Variants in KPNA4 observed in about 807,000 individuals in gnomAD.
KPNA4 encodes the protein karyopherin subunit alpha 4.
Under a neutral mutation model 71.3 loss-of-function variants are expected in KPNA4, and 13 were observed. The ratio of observed to expected loss-of-function variants is 0.18; its 90% confidence interval spans 0.12 to 0.29. The LOEUF is 0.29. KPNA4 is among the 10% of genes least tolerant of loss of function. The probability of loss-of-function intolerance (pLI) is 1.00; values close to 1 mark genes in which losing one functional copy is unlikely to be tolerated. For synonymous variants in KPNA4, 189 were observed against 195.2 expected (o/e 0.97, Z 0.26); for missense variants, 334 against 603.2 (o/e 0.55, Z 4.67).
chr3:160,529,921 A>T (rs1427373636), intron 7 of KPNA4, among the ~76,000 whole-genome samples: 1 of 150,544 alleles, frequency 6.6e-6, no homozygotes, highest in East Asian at 2.0e-4. Context: ...TGAGGTCAGG[A>T]GATCGAGACC....
intron 11 of KPNA4, among the ~76,000 whole-genome samples, chr3:160,519,966 T>C (rs957918583): frequency 3.3e-5 from 5 of 152,174 alleles, no homozygotes; most frequent in African/African-American, 7.2e-5. Flanking sequence ...AATTATGGCA[T>C]GAAAGTTGAA....
intron 11 of KPNA4, among the ~76,000 whole-genome samples, chr3:160,521,436 C>A (rs1170413416): frequency 6.6e-6 from 1 of 151,928 alleles, no homozygotes; most frequent in Non-Finnish European, 1.5e-5. Flanking sequence ...CTGACTGTAT[C>A]AAAAATAGAA....
rs1720732904 is a variant in KPNA4 at position 160,495,284 on chromosome 3, A to G, written c.*6820T>C. The G allele has an allele frequency of 6.6e-6, 1 of 152,226 alleles. No homozygotes were observed. The highest frequency in any genetic ancestry group is 1.5e-5 in the Non-Finnish European group (1 of 68,038). 9.4% of individuals were successfully genotyped at this position (152,226 alleles called of 1,614,324 possible). A position where few individuals can be genotyped will look rare whatever the true frequency, so the allele number is the denominator to read the frequency against. ...TACTCCTGACTTCTTGAAGGAGTAA[A>G]TATCTAGAATATTCAAGGACGTAAA... On this transcript the variant is annotated 3_prime_UTR_variant, in exon 17 of 17. Transcript: ENST00000334256.
At chr3:160,563,694 T>C (rs938657116) in intron 1 of KPNA4, among the ~76,000 whole-genome samples, 1 of 152,202 alleles carries the variant, frequency 6.6e-6, no homozygotes, top group Non-Finnish European at 1.5e-5. Context: ...AGTATTCATA[T>C]TAGTAAAAAA....
chr3:160,531,354 C>T, intron 6 of KPNA4, 108 bp downstream of exon 6: 2 of 556,718 alleles, frequency 3.6e-6, no homozygotes, highest in Non-Finnish European at 5.9e-6. Context: ...CAACTCCATC[C>T]CATAGCCCTT....
intron 1 of KPNA4, among the ~76,000 whole-genome samples, chr3:160,560,697 T>C (rs1722226368): frequency 6.6e-6 from 1 of 151,948 alleles, no homozygotes; most frequent in Non-Finnish European, 1.5e-5. Context: ...CTACGAAAAA[T>C]AAGGGCATCT....
At chr3:160,561,842 C>T (rs1722251238) in intron 1 of KPNA4, among the ~76,000 whole-genome samples, 1 of 151,968 alleles carries the variant, frequency 6.6e-6, no homozygotes, top group Non-Finnish European at 1.5e-5. Context: ...TAAATCCCTT[C>T]CCTCCCCCAA....
intron 16 of KPNA4, among the ~76,000 whole-genome samples, chr3:160,504,362 T>C (rs546235892): frequency 1.1e-4 from 16 of 152,320 alleles, no homozygotes; most frequent in African/African-American, 3.8e-4. Flanking sequence ...TGAACCACTA[T>C]AAAATTTTCT....
intron 10 of KPNA4, among the ~76,000 whole-genome samples, chr3:160,524,060 G>C (rs1287658064): frequency 6.6e-6 from 1 of 152,106 alleles, no homozygotes; most frequent in African/African-American, 2.4e-5. Context: ...TCACTAATAT[G>C]CTCAGATCAA....
intron 1 of KPNA4, among the ~76,000 whole-genome samples, chr3:160,556,570 T>C (rs1048973742): frequency 6.6e-5 from 10 of 152,324 alleles, no homozygotes; most frequent in Middle Eastern, 3.4e-3. Context: ...TTTCAGATTT[T>C]GGATTTTTTT....
chr3:160,515,371 A>T (rs1042870817), intron 12 of KPNA4, 81 bp downstream of exon 12: 1 of 1,264,496 alleles, frequency 7.9e-7, no homozygotes, highest in Non-Finnish European at 1.1e-6. Flanking sequence ...TATTACAGAC[A>T]TTTCTAAGAC....
At position 160,565,307 on chromosome 3, in the gene KPNA4, C is replaced by T. The variant is rs1391289464; in HGVS notation, c.-25G>A. 1.9e-6 allele frequency: 3 copies of T among 1,567,372 alleles called. No individual in the cohort carries two copies. The highest frequency in any genetic ancestry group is 2.6e-6 in the Non-Finnish European group (3 of 1,153,462). On this transcript the variant is annotated 5_prime_UTR_variant, in exon 1 of 17. Transcript: ENST00000334256. ...TGGCCGGGCCGGTGACTCCTTCCCC[C>T]GCCCGGGCCCCGCGGGATCCGCCCC...
Position 160,500,433 on chromosome 3 carries a change from G to GT in KPNA4, c.*1670dup, listed in dbSNP as rs1720854343. 1 of 152,560 alleles carries GT rather than the reference G, an allele frequency of 6.6e-6. No homozygotes were observed. Among genetic ancestry groups the GT allele is most frequent in the East Asian group, 1.9e-4 (1 of 5,200 alleles). 9.5% of individuals were successfully genotyped at this position (152,560 alleles called of 1,614,324 possible). ...ATAGATGCTAATGGTGGCTAATCTG[G>GT]TATGTTTCTTATAGCAAACTGTTGT... On this transcript the variant is annotated 3_prime_UTR_variant, in exon 17 of 17. Transcript: ENST00000334256.
intron 1 of KPNA4, among the ~76,000 whole-genome samples, chr3:160,564,935 G>A (rs988611206): frequency 1.5e-3 from 216 of 145,898 alleles, no homozygotes; most frequent in Non-Finnish European, 2.7e-3. Flanking sequence ...CCTCCCCGCC[G>A]CGCGGCCCGG....
intron 13 of KPNA4, among the ~76,000 whole-genome samples, chr3:160,510,798 TC>T (rs1372240810): frequency 6.6e-6 from 1 of 151,884 alleles, no homozygotes; most frequent in Non-Finnish European, 1.5e-5. Flanking sequence ...TACAAGCTAT[TC>T]TTTTTTTTTT....
In KPNA4 at chr3:160,565,270, CGTT is replaced by C; in HGVS notation, c.10_12del (p.Asn4del). 1 of 1,606,532 alleles carries C rather than the reference CGTT, an allele frequency of 6.2e-7. No homozygotes were observed. Among genetic ancestry groups the C allele is most frequent in the Non-Finnish European group, 8.5e-7 (1 of 1,176,634 alleles). On this transcript the variant is annotated inframe_deletion, in exon 1 of 17. Coordinates refer to ENST00000334256, the MANE Select transcript of KPNA4 (RefSeq NM_002268.5). ...TTGAGCCGTTGGTTGTCCAGTTTCT[CGTT>C]GTCCGCCATGGCCGGGCCGGTGACT...
chr3:160,502,284 C>T (rs1193380802), intron 16 of KPNA4, 82 bp from the exon 17 acceptor site: 1 of 584,898 alleles, frequency 1.7e-6, no homozygotes, highest in Non-Finnish European at 2.7e-6. Flanking sequence ...TCCCATTACC[C>T]TTAAAAAAAG....
At chr3:160,544,146 C>T (rs1257232426) in intron 1 of KPNA4, among the ~76,000 whole-genome samples, 5 of 152,188 alleles carry the variant, frequency 3.3e-5, no homozygotes, top group African/African-American at 1.2e-4. Flanking sequence ...GCATGAGCCA[C>T]TGTGCCCGGC....
At chr3:160,505,406 C>T (rs1256495869) in intron 15 of KPNA4, among the ~76,000 whole-genome samples, 1 of 152,074 alleles carries the variant, frequency 6.6e-6, no homozygotes, top group Admixed American at 6.6e-5. Flanking sequence ...CTTTCCAGCA[C>T]CTGCCAAGTT....
Sources: gnomAD v4.1 joint callset for allele counts (sites outside exome capture counted in the v4.1 genomes callset) on GRCh38, gnomAD v4.1.1 for gene constraint, MANE v1.5 for transcripts, NCBI Gene and HGNC (gene_info 2026-07-23, HGNC 2026-07-21) for gene names.